Variants in B4GALNT4 observed in about 807,000 individuals in gnomAD.
The protein encoded by B4GALNT4 is beta-1,4-N-acetyl-galactosaminyltransferase 4.
B4GALNT4 carries 77 observed loss-of-function variants against 110.0 expected under a neutral mutation model. That is an observed-to-expected ratio of 0.70 (90% CI 0.58 to 0.85). The LOEUF (loss-of-function observed/expected upper bound fraction) is 0.85. Among genes scored for constraint, B4GALNT4 ranks in the 40% least tolerant of loss-of-function variants. B4GALNT4 has a pLI of 0.00. For missense variants in B4GALNT4, 1,575 were observed against 1,506.0 expected (o/e 1.05, Z -0.76); for synonymous variants, 785 against 655.5 (o/e 1.20, Z -3.02).
At chr11:370,628 G>A (rs1846600611) in intron 1 of B4GALNT4, among the ~76,000 whole-genome samples, 1 of 152,192 alleles carries the variant, frequency 6.6e-6, no homozygotes, top group Non-Finnish European at 1.5e-5. Context: ...ATACACCTTT[G>A]GGGGAAAGAG....
rs114861429 is a variant in B4GALNT4, at chr11:373,542, G to A, written c.704+26G>A. ...GTGAGTGACTGTGGGGTGCATGTGC[G>A]TGCACTTGTGTATTCGTGGGAGGGG... is the stretch of plus-strand genomic sequence containing the variant. On this transcript the variant is annotated intron_variant, in intron 7 of 19. Transcript: ENST00000329962. The A allele has an allele frequency of 1.8e-3, 2,939 of 1,607,042 alleles. 54 individuals are homozygous for A. The African/African-American group carries it at 0.034, about 19-fold the overall frequency.
At chr11:375,563 C>G (rs758432551) in intron 9 of B4GALNT4, 36 bp downstream of exon 9, 5 of 1,606,266 alleles carry the variant, frequency 3.1e-6, no homozygotes, top group East Asian at 2.2e-5. Context: ...TGGGGCTCCT[C>G]GGGATGGGCT....
chr11:380,553 C>T, intron 18 of B4GALNT4, 108 bp downstream of exon 18: 1 of 1,426,972 alleles, frequency 7.0e-7, no homozygotes, highest in Non-Finnish European at 9.5e-7. Context: ...GCCTGGGAGT[C>T]CATCAGTGCT....
In B4GALNT4 at chr11:375,732, C is replaced by T; in HGVS notation, c.944C>T (p.Ala315Val). The change falls in exon 10 of 20, where the codon GCA (alanine) becomes GTA (valine). Residue 315 changes from alanine to valine, a missense_variant. Transcript: ENST00000329962. ...GGRPPQEETS[A>V]DMLRPDPRDT... is the part of the protein sequence containing the mutation. ...CGTCCGCCGCAGGAGGAGACCAGCG[C>T]AGACATGCTGCGGCCAGATCCCAGG... is the stretch of plus-strand genomic sequence containing the variant. 1 of 1,596,960 alleles carries T rather than the reference C, an allele frequency of 6.3e-7. No individual in the cohort carries two copies. Among genetic ancestry groups the T allele is most frequent in the Non-Finnish European group, 8.5e-7 (1 of 1,175,882 alleles).
At position 376,989 on chromosome 11, in the gene B4GALNT4, G is replaced by T; in HGVS notation, c.1866G>T (p.Ala622=). 1 of 1,454,978 alleles carries T rather than the reference G, an allele frequency of 6.9e-7. No individual in the cohort carries two copies. 90.1% of individuals were successfully genotyped at this position (1,454,978 alleles called of 1,614,324 possible). ...PTVDSNLSSE[A]RPVTSFLSLS... ...TGGACTCAAACTTGTCCTCCGAAGC[G>T]CGGCCCGTGACCTCCTTCCTGAGCT... is the stretch of plus-strand genomic sequence containing the variant. Residue 622 remains alanine, a synonymous_variant, in exon 14 of 20, where the codon GCG becomes GCT. Transcript: ENST00000329962.
intron 10 of B4GALNT4, 28 bp downstream of exon 10, chr11:375,801 G>A: frequency 6.2e-7 from 1 of 1,602,424 alleles, no homozygotes; most frequent in Non-Finnish European, 8.5e-7. Context: ...CGGGGGCGAG[G>A]GCGGGGGTGC....
Position 373,804 on chromosome 11 carries a change from C to G in B4GALNT4, c.759C>G (p.Arg253=), listed in dbSNP as rs149327151. The change falls in exon 8 of 20, where the codon CGC becomes CGG. Residue 253 remains arginine (R), a synonymous_variant. Coordinates refer to ENST00000329962, the MANE Select transcript of B4GALNT4 (RefSeq NM_178537.5). ...AGTTGCTGCACAAGCAGGACGACCGCGGCTCGGACCACGTGGAAGTGGGCG... is the reference window on the plus strand; with the variant it reads ...AGTTGCTGCACAAGCAGGACGACCGGGGCTCGGACCACGTGGAAGTGGGCG... ...YFELLHKQDD[R]GSDHVEVGWR... 3 of 1,612,208 alleles carry G rather than the reference C, an allele frequency of 1.9e-6. No individual in the cohort carries two copies. The highest frequency in any genetic ancestry group is 2.5e-6 in the Non-Finnish European group (3 of 1,179,846).
chr11:373,424 C>A (rs1179328475), intron 6 of B4GALNT4, 25 bp from the exon 7 acceptor site: 5 of 1,444,674 alleles, frequency 3.5e-6, no homozygotes, highest in African/African-American at 1.5e-5. Context: ...CCCCCCACCA[C>A]CACCCCTGCT....
intron 1 of B4GALNT4, among the ~76,000 whole-genome samples, chr11:371,687 G>A (rs1372792344): frequency 1.3e-5 from 2 of 152,254 alleles, no homozygotes; most frequent in African/African-American, 2.4e-5. Flanking sequence ...AAGGGAGGCA[G>A]ACGTGGAACA....
rs1590340249 is a variant in B4GALNT4 at position 376,582 on chromosome 11, A to G, written c.1459A>G (p.Thr487Ala). The G allele has an allele frequency of 1.6e-6, 2 of 1,229,948 alleles. No homozygotes were observed. The highest frequency in any genetic ancestry group is 2.0e-6 in the Non-Finnish European group (2 of 993,306). 76.2% of individuals were successfully genotyped at this position (1,229,948 alleles called of 1,614,324 possible). ...PTPPRPRDGG[T>A]PRHSRALSWA... ...CCCTCCCCGCCCCCGGGACGGGGGGACCCCCAGGCACTCCCGGGCCCTGAG... is the reference window on the plus strand; with the variant it reads ...CCCTCCCCGCCCCCGGGACGGGGGGGCCCCCAGGCACTCCCGGGCCCTGAG... The change falls in exon 14 of 20, where the codon ACC (threonine) becomes GCC (alanine). Residue 487 changes from threonine to alanine, a missense_variant. By Grantham distance (58) the Thr-to-Ala change is moderately conservative. Transcript: ENST00000329962.
chr11:376,897 C>G lies in B4GALNT4; in HGVS notation c.1774C>G (p.Arg592Gly). 7.4e-7 allele frequency: 1 copy of G among 1,358,780 alleles called. No homozygotes were observed. 84.2% of individuals were successfully genotyped at this position (1,358,780 alleles called of 1,614,324 possible). Residue 592 changes from arginine (R) to glycine (G), a missense_variant, in exon 14 of 20, where the codon CGG becomes GGG. Coordinates refer to ENST00000329962, the MANE Select transcript of B4GALNT4 (RefSeq NM_178537.5). Reference sequence around the variant, plus strand: ...GGCCACACAGCCGAGGCCCCCAGCCCGGGCGCAGGCCACCCAAGGGGGCCG... The same window carrying G: ...GGCCACACAGCCGAGGCCCCCAGCCGGGGCGCAGGCCACCCAAGGGGGCCG... ...PQATQPRPPA[R>G]AQATQGGREG...
In B4GALNT4 at chr11:376,076, G is replaced by T. The variant is rs1424313632; in HGVS notation, c.1098G>T (p.Val366=). The T allele has an allele frequency of 9.3e-6, 15 of 1,604,726 alleles. No individual in the cohort carries two copies. Among genetic ancestry groups the T allele is most frequent in the South Asian group, 1.1e-5 (1 of 90,796 alleles). ...CCCTGCGCCCCCCCACCCCCCAGGTGTACCTGTCCTTCGTTTATCCCAACG... is the reference window on the plus strand; with the variant it reads ...CCCTGCGCCCCCCCACCCCCCAGGTTTACCTGTCCTTCGTTTATCCCAACG... ...PIARYQGLQF[V]YLSFVYPNDY... is the part of the protein sequence containing the mutation. Residue 366 remains valine, a splice_region_variant and synonymous_variant, in exon 12 of 20, where the codon GTG becomes GTT. Transcript: ENST00000329962.
At chr11:373,932 G>A in intron 8 of B4GALNT4, 104 bp downstream of exon 8, 2 of 1,201,298 alleles carry the variant, frequency 1.7e-6, no homozygotes, top group Admixed American at 1.9e-5. Context: ...CAAAGCAGAT[G>A]GTCAGGGCCA....
In B4GALNT4 at chr11:372,109, A is replaced by C; in HGVS notation, c.152A>C (p.Asp51Ala). 1 of 1,548,960 alleles carries C rather than the reference A, an allele frequency of 6.5e-7. No homozygotes were observed. Among genetic ancestry groups the C allele is most frequent in the Non-Finnish European group, 8.7e-7 (1 of 1,146,642 alleles). Reference sequence around the variant, plus strand: ...GACAGGCCTCATGTGCCACCTGCAGATGGTGAGAAGCTGACCAGTGAGACC... The same window carrying C: ...GACAGGCCTCATGTGCCACCTGCAGCTGGTGAGAAGCTGACCAGTGAGACC... ...ALRQRLGYGR[D>A]GEKLTSETDG... Residue 51 changes from aspartate to alanine, a missense_variant and splice_region_variant, in exon 2 of 20, where the codon GAT becomes GCT. Asp to Ala is a moderately radical substitution (Grantham distance 126). Coordinates refer to ENST00000329962, the MANE Select transcript of B4GALNT4 (RefSeq NM_178537.5).
At chr11:370,224 G>T (rs1846593174) in intron 1 of B4GALNT4, among the ~76,000 whole-genome samples, 1 of 152,072 alleles carries the variant, frequency 6.6e-6, no homozygotes, top group Non-Finnish European at 1.5e-5. Flanking sequence ...GACCCTCCCA[G>T]AGAGGGTCCC....
In B4GALNT4 at chr11:379,608, G is replaced by A. The variant is rs749302061; in HGVS notation, c.2395G>A (p.Ala799Thr). 2.9e-5 allele frequency: 45 copies of A among 1,551,240 alleles called. No homozygotes were observed. Among genetic ancestry groups the A allele is most frequent in the Non-Finnish European group, 3.6e-5 (41 of 1,151,900 alleles). Residue 799 changes from alanine (A) to threonine (T), a missense_variant, in exon 15 of 20, where the codon GCC becomes ACC. Physicochemically the swap from Ala to Thr is moderately conservative, Grantham distance 58 (BLOSUM62 0). Coordinates refer to ENST00000329962, the MANE Select transcript of B4GALNT4 (RefSeq NM_178537.5). ...ADGESPEPAP[A>T]ASVRPDGRPE... ...CGGAGAAAGTCCCGAACCCGCTCCC[G>A]CCGCCTCCGTGCGCCCCGACGGCCG...
chr11:380,494 G>T (rs772966178), intron 18 of B4GALNT4, 49 bp downstream of exon 18: 1 of 1,538,916 alleles, frequency 6.5e-7, no homozygotes, highest in Non-Finnish European at 8.7e-7. Context: ...CCCACCAACC[G>T]CCGCGGTAAA....
At chr11:374,287 C>G (rs963352565) in intron 8 of B4GALNT4, among the ~76,000 whole-genome samples, 1 of 151,908 alleles carries the variant, frequency 6.6e-6, no homozygotes, top group African/African-American at 2.4e-5. Flanking sequence ...CGGAGAGAGC[C>G]TGGGGGAAGG....
Position 369,839 on chromosome 11 carries a change from G to A in B4GALNT4, c.36G>A (p.Gln12=), listed in dbSNP as rs973638374. ...PRLPVKKIRK[Q]MKLLLLLLLL... The stretch of plus-strand genomic sequence containing the variant: ...TCCCGGTGAAGAAGATCCGTAAGCA[G>A]ATGAAGCTGCTGCTGCTGCTGCTGC... Residue 12 remains glutamine, a synonymous_variant, in exon 1 of 20, where the codon CAG becomes CAA. Coordinates refer to ENST00000329962, the MANE Select transcript of B4GALNT4 (RefSeq NM_178537.5). 100 of 991,124 alleles carry A rather than the reference G, an allele frequency of 1.0e-4. No individual in the cohort carries two copies. The highest frequency in any genetic ancestry group is 7.5e-4 in the Admixed American group (12 of 15,964). 61.4% of individuals were successfully genotyped at this position (991,124 alleles called of 1,614,324 possible). A position where few individuals can be genotyped will look rare whatever the true frequency, so the allele number is the denominator to read the frequency against.
Sources: gnomAD v4.1 joint callset for allele counts (sites outside exome capture counted in the v4.1 genomes callset) on GRCh38, gnomAD v4.1.1 for gene constraint, MANE v1.5 for transcripts, NCBI Gene and HGNC (gene_info 2026-07-23, HGNC 2026-07-21) for gene names.